The following WRN variants were observed in gnomAD, a reference collection of about 807,000 sequenced individuals.
WRN encodes the protein bifunctional 3'-5' exonuclease/ATP-dependent helicase WRN.
Under a neutral mutation model 180.7 loss-of-function variants are expected in WRN, and 149 were observed. That is an observed-to-expected ratio of 0.82 (90% CI 0.72 to 0.94). WRN has a LOEUF of 0.94. Ranked by LOEUF, WRN falls within the 40% of genes least tolerant of loss-of-function variation. The pLI, the probability that WRN is intolerant of heterozygous loss-of-function variation, is 0.00. For synonymous variants in WRN, 548 were observed against 568.9 expected, an observed-to-expected ratio of 0.96 and a Z score of 0.52; for missense variants, 1,661 against 1,700.1, an observed-to-expected ratio of 0.98 and a Z score of 0.40.
At chr8:31,115,322 G>T (rs934894960) in intron 19 of WRN, among the ~76,000 whole-genome samples, 4 of 152,208 alleles carry the variant, frequency 2.6e-5, no homozygotes, top group Admixed American at 6.5e-5. Context: ...AGATTATTCA[G>T]TATGACTCTT....
chr8:31,068,270 A>G lies in WRN; in HGVS notation c.667A>G (p.Ile223Val), dbSNP rs587778754. ...AATDAYAGFI[I>V]YRNLEILDDT... Reference sequence around the variant, plus strand: ...TGTTTTTTTATAGGCTGGTTTTATTATTTACCGAAATTTAGAGATTTTGGA... The same window carrying G: ...TGTTTTTTTATAGGCTGGTTTTATTGTTTACCGAAATTTAGAGATTTTGGA... Residue 223 changes from isoleucine (I) to valine (V), a missense_variant, in exon 7 of 35, where the codon ATT becomes GTT. Coordinates refer to ENST00000298139, the MANE Select transcript of WRN (RefSeq NM_000553.6). 6.2e-7 allele frequency: 1 copy of G among 1,606,548 alleles called. No individual in the cohort carries two copies. Among genetic ancestry groups the G allele is most frequent in the Non-Finnish European group, 8.5e-7 (1 of 1,175,046 alleles).
intron 1 of WRN, among the ~76,000 whole-genome samples, chr8:31,040,956 G>T (rs907440709): frequency 1.3e-4 from 20 of 152,136 alleles, no homozygotes; most frequent in African/African-American, 4.6e-4. Context: ...ATGTCTTCGA[G>T]AAAATGTCTT....
chr8:31,100,493 T>C (rs999214201), intron 17 of WRN, among the ~76,000 whole-genome samples: 1 of 152,346 alleles, frequency 6.6e-6, no homozygotes, highest in South Asian at 2.1e-4. Flanking sequence ...ATGCATGAGA[T>C]AAAATTGAAG....
chr8:31,035,969 T>C (rs1471090950), intron 1 of WRN, among the ~76,000 whole-genome samples: 1 of 152,170 alleles, frequency 6.6e-6, no homozygotes, highest in Non-Finnish European at 1.5e-5. Flanking sequence ...TGATATTCCT[T>C]CTATCTAACT....
At chr8:31,094,225 G>T (rs1396769752) in intron 16 of WRN, among the ~76,000 whole-genome samples, 2 of 152,110 alleles carry the variant, frequency 1.3e-5, no homozygotes, top group Non-Finnish European at 2.9e-5. Context: ...CTAAAGTCCA[G>T]TGGGTTTTGG....
At chr8:31,127,555 C>T (rs1206647023) in intron 23 of WRN, among the ~76,000 whole-genome samples, 2 of 151,418 alleles carry the variant, frequency 1.3e-5, no homozygotes, top group Middle Eastern at 3.4e-3. Context: ...TACTTCTTCA[C>T]TAAGAAGACA....
intron 17 of WRN, among the ~76,000 whole-genome samples, chr8:31,097,396 C>T (rs1230880456): frequency 1.3e-5 from 2 of 152,152 alleles, no homozygotes; most frequent in African/African-American, 2.4e-5. Flanking sequence ...TTGGTGGTTT[C>T]TCACAGGTGA....
Position 31,091,838 on chromosome 8 carries a change from A to G in WRN, c.1838A>G (p.Asn613Ser), listed in dbSNP as rs754443271. ...EDQVLQLKMS[N>S]IPACFLGSAQ... Reference sequence around the variant, plus strand: ...TGTTTTTCTTCTTATAGAATGTCCAACATCCCAGCTTGCTTCCTTGGATCA... The same window carrying G: ...TGTTTTTCTTCTTATAGAATGTCCAGCATCCCAGCTTGCTTCCTTGGATCA... Residue 613 changes from asparagine (N) to serine (S), a missense_variant, in exon 16 of 35, where the codon AAC becomes AGC. By Grantham distance (46) the Asn-to-Ser change is conservative. This residue lies in a region of WRN where 1,141 missense variants were observed against 1,149.4 expected (regional missense o/e 0.99). Coordinates refer to ENST00000298139, the MANE Select transcript of WRN (RefSeq NM_000553.6). 5 of 1,613,122 alleles carry G rather than the reference A, an allele frequency of 3.1e-6. No homozygotes were observed. The highest frequency in any genetic ancestry group is 2.7e-5 in the African/African-American group (2 of 74,888).
chr8:31,150,605 A>G lies in WRN; in HGVS notation c.3687+150A>G, dbSNP rs564291468. 3.4e-4 allele frequency: 242 copies of G among 708,768 alleles called. 11 individuals are homozygous for G. The highest frequency in any genetic ancestry group is 5.3e-4 in the South Asian group (31 of 58,490). The allele number at this position is 708,768 out of a possible 1,614,324, so 43.9% of individuals were successfully genotyped here. Reference sequence around the variant, plus strand: ...TGAATTAAAATTGTTTTTACAGTCAATCTGTTGTAAAAACATGTCAGTTAT... The same window carrying G: ...TGAATTAAAATTGTTTTTACAGTCAGTCTGTTGTAAAAACATGTCAGTTAT... On this transcript the variant is annotated intron_variant, in intron 31 of 34. Transcript: ENST00000298139.
In WRN at chr8:31,157,517, TC is replaced by T. The variant is rs1377977559; in HGVS notation, c.3972del (p.Val1325SerfsTer5). ...TTATTGCTGATGTTATCCGAAACCCTCCCGTCAACTCAGGTGAGAGGCATGG... is the reference window on the plus strand; with the variant it reads ...TTATTGCTGATGTTATCCGAAACCCTCCGTCAACTCAGGTGAGAGGCATGG... ...KIIADVIRNP[P>X]VNSDMSKISL... On this transcript the variant is annotated frameshift_variant, in exon 33 of 35. Transcript: ENST00000298139. LOFTEE classifies it high-confidence loss of function. 1.9e-6 allele frequency: 3 copies of T among 1,613,984 alleles called. No homozygotes were observed. The highest frequency in any genetic ancestry group is 2.5e-6 in the Non-Finnish European group (3 of 1,180,024).
At chr8:31,155,053 A>T (rs1301457485) in intron 32 of WRN, among the ~76,000 whole-genome samples, 2 of 152,224 alleles carry the variant, frequency 1.3e-5, no homozygotes, top group African/African-American at 4.8e-5. Context: ...AAATGGGACT[A>T]ACAGTTTAAA....
intron 23 of WRN, among the ~76,000 whole-genome samples, chr8:31,130,147 A>G (rs1038975878): frequency 3.4e-5 from 5 of 148,030 alleles, no homozygotes; most frequent in Non-Finnish European, 5.9e-5. Flanking sequence ...ACATAACGAG[A>G]CCGCATCTCT....
intron 32 of WRN, 71 bp from the exon 33 acceptor site, chr8:31,157,297 G>A: frequency 6.3e-7 from 1 of 1,595,560 alleles, no homozygotes; most frequent in Non-Finnish European, 8.5e-7. Context: ...TGAATGTTTT[G>A]GACATTTTAT....
chr8:31,162,781 G>A (rs1167231524), intron 33 of WRN, among the ~76,000 whole-genome samples: 4 of 152,182 alleles, frequency 2.6e-5, no homozygotes, highest in East Asian at 1.9e-4. Context: ...TTGGCTGCCC[G>A]TCGTTGACTG....
At chr8:31,048,879 C>T (rs1216775518) in intron 1 of WRN, among the ~76,000 whole-genome samples, 1 of 152,070 alleles carries the variant, frequency 6.6e-6, no homozygotes, top group Non-Finnish European at 1.5e-5. Context: ...TGTAACTTAT[C>T]CTTGAAATCT....
At chr8:31,164,090 A>C (rs1803751920) in intron 33 of WRN, among the ~76,000 whole-genome samples, 1 of 152,038 alleles carries the variant, frequency 6.6e-6, no homozygotes, top group African/African-American at 2.4e-5. Context: ...CTCCCACCTC[A>C]GCCTGCCTAA....
chr8:31,128,827 C>T (rs1449535244), intron 23 of WRN, among the ~76,000 whole-genome samples: 2 of 152,138 alleles, frequency 1.3e-5, no homozygotes, highest in Non-Finnish European at 1.5e-5. Context: ...CCACTGCACT[C>T]CAGCCTGGGC....
At chr8:31,093,540 G>A (rs1440435198) in intron 16 of WRN, among the ~76,000 whole-genome samples, 1 of 152,138 alleles carries the variant, frequency 6.6e-6, no homozygotes, top group Non-Finnish European at 1.5e-5. Flanking sequence ...TACTAATAAA[G>A]CTGCTATACA....
At chr8:31,034,775 G>A (rs1483965454) in intron 1 of WRN, among the ~76,000 whole-genome samples, 1 of 152,058 alleles carries the variant, frequency 6.6e-6, no homozygotes, top group Non-Finnish European at 1.5e-5. Flanking sequence ...GGGAAGAGTG[G>A]GCTGAGACAA....
Sources: gnomAD v4.1 joint callset for allele counts (sites outside exome capture counted in the v4.1 genomes callset) on GRCh38, gnomAD v4.1.1 for gene constraint, gnomAD v4.1.1 regional missense constraint, MANE v1.5 for transcripts, NCBI Gene and HGNC (gene_info 2026-07-23, HGNC 2026-07-21) for gene names.